The following TTC6 variants were observed in gnomAD, a reference collection of about 807,000 sequenced individuals.
TTC6 encodes the protein tetratricopeptide repeat domain 6, also known as tetratricopeptide repeat protein 6.
In TTC6, 172 loss-of-function variants were observed where a neutral mutation model predicts 210.4. The ratio of observed to expected loss-of-function variants is 0.82; its 90% CI spans 0.72 to 0.93. The LOEUF is 0.93. Ranked by LOEUF, TTC6 falls within the 40% of genes least tolerant of loss-of-function variation. The probability of loss-of-function intolerance (pLI) is 0.00; values close to 1 mark genes in which losing one functional copy is unlikely to be tolerated. For missense variants in TTC6, 2,414 were observed against 2,318.1 expected, an observed-to-expected ratio of 1.04 and a Z score of -0.85; for synonymous variants, 804 against 819.6, an observed-to-expected ratio of 0.98 and a Z score of 0.32.
chr14:37,610,349 T>G (rs1424315298), intron 2 of TTC6, among the ~76,000 whole-genome samples: 1 of 152,196 alleles, frequency 6.6e-6, no homozygotes, highest in African/African-American at 2.4e-5. Flanking sequence ...TTTTGACTAT[T>G]CATGGCAACA....
intron 5 of TTC6, among the ~76,000 whole-genome samples, chr14:37,713,617 G>C (rs1308037690): frequency 6.6e-6 from 1 of 152,134 alleles, no homozygotes; most frequent in Non-Finnish European, 1.5e-5. Context: ...AAGTGGCAGT[G>C]GTATTCACCT....
At chr14:37,674,871 CT>C (rs547050411) in intron 1 of TTC6, among the ~76,000 whole-genome samples, 154 of 152,008 alleles carry the variant, frequency 1.0e-3, no homozygotes, top group African/African-American at 3.4e-3. Flanking sequence ...CATTACATGT[CT>C]TTTTTTTATT....
At chr14:37,599,998 G>T (rs533707900) in intron 1 of TTC6, among the ~76,000 whole-genome samples, 3 of 152,324 alleles carry the variant, frequency 2.0e-5, no homozygotes, top group African/African-American at 7.2e-5. Context: ...CTCCTGGGGA[G>T]CGCGGTCTCT....
Position 37,686,340 on chromosome 14 carries a change from T to C in TTC6, c.1257+3376T>C, listed in dbSNP as rs538672706. 4.9e-4 allele frequency among the ~76,000 whole-genome samples: 75 copies of C among 152,316 alleles called. 1 individual carries two copies. Among genetic ancestry groups the C allele is most frequent in the Non-Finnish European group, 9.4e-4 (64 of 68,026 alleles). ...TAAACATTAGTTATTGCTATTATCA[T>C]TGGAATATCAGCAACCTGCTTATGA... On this transcript the variant is annotated intron_variant, in intron 3 of 30. Transcript: ENST00000553443.
intron 1 of TTC6, among the ~76,000 whole-genome samples, chr14:37,676,225 A>T (rs540869101): frequency 2.0e-5 from 3 of 152,234 alleles, no homozygotes; most frequent in Non-Finnish European, 4.4e-5. Flanking sequence ...GGTCAGAGAT[A>T]GTGGGGTGGC....
intron 12 of TTC6, 72 bp downstream of exon 14, chr14:37,749,915 A>G: frequency 9.5e-7 from 1 of 1,052,490 alleles, no homozygotes; most frequent in Non-Finnish European, 1.2e-6. Context: ...TGGTACTATA[A>G]GGATACATAA....
upstream of TTC6, among the ~76,000 whole-genome samples, chr14:37,617,343 A>G (rs566164440): frequency 2.1e-4 from 32 of 152,342 alleles, no homozygotes; most frequent in South Asian, 6.6e-3. Flanking sequence ...CAAGGGATAT[A>G]GGCATATTCT....
chr14:37,828,203 T>G (rs1238981216), intron 29 of TTC6, among the ~76,000 whole-genome samples: 1 of 152,126 alleles, frequency 6.6e-6, no homozygotes, highest in African/African-American at 2.4e-5. Flanking sequence ...GATGATGATA[T>G]TTTCTATTTT....
At chr14:37,740,888 C>G (rs947594536) in intron 10 of TTC6, among the ~76,000 whole-genome samples, 3 of 152,210 alleles carry the variant, frequency 2.0e-5, no homozygotes, top group Non-Finnish European at 1.5e-5. Context: ...ATTTTGGCCA[C>G]AACCTAAATG....
upstream of TTC6, among the ~76,000 whole-genome samples, chr14:37,621,386 G>A (rs2095650805): frequency 6.6e-6 from 1 of 152,176 alleles, no homozygotes; most frequent in South Asian, 2.1e-4. Context: ...GAGGTGGGAG[G>A]ATGGCATGAG....
intron 29 of TTC6, among the ~76,000 whole-genome samples, chr14:37,830,820 A>G (rs2096183052): frequency 6.6e-6 from 1 of 151,920 alleles, no homozygotes; most frequent in Non-Finnish European, 1.5e-5. Flanking sequence ...ATACATACTA[A>G]TTGTACATAT....
chr14:37,710,046 A>G (rs1017135282), intron 5 of TTC6, among the ~76,000 whole-genome samples: 3 of 152,176 alleles, frequency 2.0e-5, no homozygotes, highest in African/African-American at 4.8e-5. Flanking sequence ...GAATAGAACC[A>G]TTGCATGTGA....
intron 29 of TTC6, among the ~76,000 whole-genome samples, chr14:37,838,502 T>C (rs192652875): frequency 6.6e-6 from 1 of 152,286 alleles, no homozygotes; most frequent in Admixed American, 6.5e-5. Context: ...CTTGAGTCTT[T>C]GGTCTTTTCA....
chr14:37,614,548 G>T (rs1413899395), intron 2 of TTC6, among the ~76,000 whole-genome samples: 1 of 151,804 alleles, frequency 6.6e-6, no homozygotes, highest in Non-Finnish European at 1.5e-5. Flanking sequence ...CATTTTTAAA[G>T]ATTTAAATTT....
chr14:37,791,512 C>G (rs1265319341), intron 16 of TTC6, among the ~76,000 whole-genome samples: 2 of 152,086 alleles, frequency 1.3e-5, no homozygotes, highest in Non-Finnish European at 2.9e-5. Flanking sequence ...TTAATCTATC[C>G]AAGGTAAACT....
rs916214423 is a variant in TTC6, at chr14:37,664,437, G to A, written c.940-15714G>A. On this transcript the variant is annotated intron_variant, in intron 1 of 30. Coordinates refer to ENST00000553443, the Ensembl canonical transcript of TTC6. The stretch of plus-strand genomic sequence containing the variant: ...TATTTAATAAATGGCACCAGGAGAA[G>A]TGGTTATCCATATGTAGAAAATTGA... 3.3e-5 allele frequency among the ~76,000 whole-genome samples: 5 copies of A among 150,424 alleles called. 1 individual carries two copies. In the South Asian group the frequency reaches 1.1e-3, roughly 32 times the overall value.
intron 1 of TTC6, among the ~76,000 whole-genome samples, chr14:37,600,454 C>T (rs867115639): frequency 2.6e-5 from 4 of 152,112 alleles, no homozygotes; most frequent in African/African-American, 9.7e-5. Context: ...TTAGCTTCTC[C>T]GTCCCAGGCC....
chr14:37,642,898 T>C (rs995037009), intron 1 of TTC6, among the ~76,000 whole-genome samples: 3 of 152,226 alleles, frequency 2.0e-5, no homozygotes, highest in Admixed American at 2.0e-4. Flanking sequence ...ATCTAAACTA[T>C]GTAAACATAG....
Position 37,807,310 on chromosome 14 carries a change from CT to C in TTC6, c.4315-9del. 1 of 1,505,644 alleles carries C rather than the reference CT, an allele frequency of 6.6e-7. No individual in the cohort carries two copies. The highest frequency in any genetic ancestry group is 8.9e-7 in the Non-Finnish European group (1 of 1,125,442). 93.3% of individuals were successfully genotyped at this position (1,505,644 alleles called of 1,614,324 possible). On this transcript the variant is annotated splice_polypyrimidine_tract_variant and intron_variant, in intron 22 of 30. Coordinates refer to ENST00000553443, the Ensembl canonical transcript of TTC6. ...ATCCATTCCTGCTTTCTCTCTCTCT[CT>C]CTGAATAGGCATATTTAAGCCGAGT...
Sources: allele counts gnomAD v4.1 joint callset (sites outside exome capture counted in the v4.1 genomes callset), GRCh38; gene constraint gnomAD v4.1.1; transcripts MANE v1.5; gene names NCBI Gene and HGNC (gene_info 2026-07-23, HGNC 2026-07-21).